Variants in RAD51B observed in about 807,000 individuals in gnomAD.
RAD51B encodes RAD51 paralog B.
RAD51B carries 38 observed loss-of-function variants against 42.2 expected under a neutral mutation model. The observed-to-expected ratio is 0.90, with a 90% CI of 0.70 to 1.18. The LOEUF is 1.18. Ranked by LOEUF, RAD51B falls within the 50% of genes most tolerant of loss-of-function variation. The probability of loss-of-function intolerance (pLI) is 0.00; values close to 1 mark genes in which losing one functional copy is unlikely to be tolerated. For missense variants in RAD51B, 373 were observed against 400.7 expected (o/e 0.93, Z 0.59); for synonymous variants, 154 against 145.2 (o/e 1.06, Z -0.43).
chr14:68,385,461 T>C (rs1004030831), intron 8 of RAD51B, among the ~76,000 whole-genome samples: 17 of 152,206 alleles, frequency 1.1e-4, no homozygotes, highest in African/African-American at 3.9e-4. Context: ...ACCAGCCAAA[T>C]GCTCTCACAT....
At chr14:68,653,235 T>A (rs1021129549) in intron 11 of RAD51B, among the ~76,000 whole-genome samples, 1 of 152,166 alleles carries the variant, frequency 6.6e-6, no homozygotes, top group Non-Finnish European at 1.5e-5. Context: ...TGCCTGTAGT[T>A]TCAGCTACTC....
downstream of RAD51B, among the ~76,000 whole-genome samples, chr14:68,598,109 C>A (rs1891077341): frequency 6.6e-6 from 1 of 152,090 alleles, no homozygotes; most frequent in South Asian, 2.1e-4. Context: ...GAAGAGAAAG[C>A]TACTTCTACA....
chr14:67,913,135 CT>C (rs2044044425), intron 7 of RAD51B, among the ~76,000 whole-genome samples: 1 of 152,138 alleles, frequency 6.6e-6, no homozygotes, highest in Non-Finnish European at 1.5e-5. Context: ...TCTGTAATGC[CT>C]TTTAGTTCTT....
intron 8 of RAD51B, among the ~76,000 whole-genome samples, chr14:68,336,415 T>C (rs1433450684): frequency 6.6e-6 from 1 of 152,226 alleles, no homozygotes; most frequent in Non-Finnish European, 1.5e-5. Context: ...TCATTATATT[T>C]CACTCAACAC....
chr14:68,101,907 T>A (rs1322999330), intron 7 of RAD51B, among the ~76,000 whole-genome samples: 1 of 152,234 alleles, frequency 6.6e-6, no homozygotes, highest in Non-Finnish European at 1.5e-5. Flanking sequence ...TACATTAGAC[T>A]TCTGCCTGGA....
chr14:68,102,516 G>C (rs906916612), intron 7 of RAD51B, among the ~76,000 whole-genome samples: 6 of 152,102 alleles, frequency 3.9e-5, no homozygotes, highest in Non-Finnish European at 8.8e-5. Flanking sequence ...TTTCCCAAAA[G>C]TTCCTCATCT....
chr14:68,238,564 C>A (rs553298458), intron 7 of RAD51B, among the ~76,000 whole-genome samples: 12 of 152,302 alleles, frequency 7.9e-5, no homozygotes, highest in African/African-American at 2.6e-4. Flanking sequence ...CTTGGCCTCC[C>A]AAAATGCTAG....
intron 7 of RAD51B, among the ~76,000 whole-genome samples, chr14:68,226,699 G>T (rs182311991): frequency 6.6e-6 from 1 of 152,082 alleles, no homozygotes; most frequent in Non-Finnish European, 1.5e-5. Context: ...CTTTATTAGC[G>T]CATGAGAACA....
intron 7 of RAD51B, among the ~76,000 whole-genome samples, chr14:68,256,921 TC>T (rs1253843477): frequency 6.6e-6 from 1 of 152,208 alleles, no homozygotes; most frequent in Non-Finnish European, 1.5e-5. Context: ...TAAGTATATT[TC>T]AAGAGCAAAG....
chr14:68,436,343 T>A (rs754917158), intron 9 of RAD51B, among the ~76,000 whole-genome samples: 4 of 152,236 alleles, frequency 2.6e-5, no homozygotes, highest in Non-Finnish European at 5.9e-5. Context: ...TGTGCAGCTT[T>A]ATTTCTGAAT....
intron 7 of RAD51B, among the ~76,000 whole-genome samples, chr14:68,072,084 T>C (rs1032976641): frequency 1.5e-5 from 2 of 131,356 alleles, no homozygotes; most frequent in Non-Finnish European, 3.1e-5. Flanking sequence ...TATAAATATA[T>C]ATAAATATAT....
At chr14:68,642,230 G>C (rs1453967453) in intron 10 of RAD51B, among the ~76,000 whole-genome samples, 3 of 152,084 alleles carry the variant, frequency 2.0e-5, no homozygotes, top group Admixed American at 6.5e-5. Context: ...GCCCATCTGG[G>C]CCTGGTGCTT....
chr14:67,867,048 G>A (rs752359863), intron 5 of RAD51B, among the ~76,000 whole-genome samples: 5 of 152,192 alleles, frequency 3.3e-5, no homozygotes, highest in Admixed American at 6.5e-5. Flanking sequence ...CACATGGAAT[G>A]GATTTTGAGG....
chr14:68,148,449 T>C (rs2140760536), intron 7 of RAD51B, among the ~76,000 whole-genome samples: 1 of 152,328 alleles, frequency 6.6e-6, no homozygotes, highest in African/African-American at 2.4e-5. Context: ...TGAATGAGAG[T>C]TCCTGTTGCT....
At chr14:68,587,559 C>G (rs756779956) in intron 10 of RAD51B, among the ~76,000 whole-genome samples, 1 of 152,094 alleles carries the variant, frequency 6.6e-6, no homozygotes, top group Admixed American at 6.6e-5. Context: ...CTGGTCTGAG[C>G]AGGAAATTCC....
rs140629538 is a variant in RAD51B at position 68,630,160 on chromosome 14, G to A, written c.1037-20621G>A. Among the ~76,000 whole-genome samples the A allele has an allele frequency of 1.3e-3, 149 of 114,580 alleles. 1 individual carries two copies. Among genetic ancestry groups the A allele is most frequent in the African/African-American group, 4.3e-3 (137 of 31,996 alleles). The allele number at this position is 114,580 out of a possible 152,430, so 75.2% of individuals were successfully genotyped here. A position where few individuals can be genotyped will look rare whatever the true frequency, so the allele number is the denominator to read the frequency against. ...TCTCAGTACAGCCCCTAGGAATGCC[G>A]AGTTTGCCAGGACTGTGCTCACAAG... On this transcript the variant is annotated intron_variant, in intron 10 of 11. Coordinates refer to the RAD51B transcript ENST00000488612.
intron 7 of RAD51B, among the ~76,000 whole-genome samples, chr14:68,180,621 T>C (rs575824309): frequency 6.6e-6 from 1 of 152,310 alleles, no homozygotes; most frequent in Admixed American, 6.5e-5. Context: ...AGAGGCTAAG[T>C]AACTTTGCCA....
At chr14:68,677,083 T>C (rs1286697928) in intron 11 of RAD51B, among the ~76,000 whole-genome samples, 3 of 152,078 alleles carry the variant, frequency 2.0e-5, no homozygotes, top group Admixed American at 2.0e-4. Context: ...GGCTCAAAAT[T>C]AAAGCTGGAA....
At chr14:68,415,031 CAAAAAAAAA>C (rs71129885) in intron 9 of RAD51B, among the ~76,000 whole-genome samples, 785 of 32,516 alleles carry the variant, frequency 0.024, 9 homozygotes, top group African/African-American at 0.082. Context: ...GACTCTGTCT[CAAAAAAAAA>C]AAAAAAAAAA....
Sources: allele counts gnomAD v4.1 joint callset (sites outside exome capture counted in the v4.1 genomes callset), GRCh38; gene constraint gnomAD v4.1.1; transcripts MANE v1.5; gene names NCBI Gene and HGNC (gene_info 2026-07-23, HGNC 2026-07-21).